Variants in CHRDL2 observed in about 807,000 individuals in gnomAD.
CHRDL2 encodes chordin-like protein 2.
A neutral mutation model predicts 54.3 loss-of-function variants in CHRDL2; 41 were observed. The ratio of observed to expected loss-of-function variants is 0.76; its 90% CI spans 0.59 to 0.98. The LOEUF (loss-of-function observed/expected upper bound fraction) is 0.98. CHRDL2 is among the 50% of genes least tolerant of loss of function. The pLI is 0.00. For synonymous variants in CHRDL2, 220 were observed against 224.3 expected, an observed-to-expected ratio of 0.98 and a Z score of 0.17; for missense variants, 518 against 562.4, an observed-to-expected ratio of 0.92 and a Z score of 0.80.
intron 1 of CHRDL2, among the ~76,000 whole-genome samples, chr11:74,725,654 T>C (rs879371536): frequency 6.6e-6 from 1 of 152,212 alleles, no homozygotes; most frequent in Admixed American, 6.5e-5. Context: ...CGGTTGAGAA[T>C]TCTTCCCCAA....
intron 1 of CHRDL2, 141 bp downstream of exon 1, chr11:74,730,666 C>A: frequency 1.3e-6 from 1 of 767,686 alleles, no homozygotes; most frequent in Middle Eastern, 3.5e-4. Flanking sequence ...CCATACTGGT[C>A]CTCACGGAGT....
intron 9 of CHRDL2, among the ~76,000 whole-genome samples, chr11:74,702,560 C>A (rs2033854358): frequency 6.6e-6 from 1 of 152,180 alleles, no homozygotes; most frequent in African/African-American, 2.4e-5. Context: ...CGCCTTCCCC[C>A]CAGGAGAGGG....
At chr11:74,729,799 G>A (rs1020574356) in intron 1 of CHRDL2, among the ~76,000 whole-genome samples, 1 of 152,180 alleles carries the variant, frequency 6.6e-6, no homozygotes, top group Non-Finnish European at 1.5e-5. Context: ...AGAGAATGTG[G>A]TTTGGTTTTC....
rs139998441 is a variant in CHRDL2 at position 74,700,285 on chromosome 11, C to T, written c.1120+2509G>A. On this transcript the variant is annotated intron_variant, in intron 9 of 10. Transcript: ENST00000376332. ...AATCACAGAGCACAGGGCATATGGG[C>T]GTGAGCTCTGGAGCCAGCGTTTGAG... 5.9e-5 allele frequency among the ~76,000 whole-genome samples: 9 copies of T among 152,352 alleles called. No homozygotes were observed. The East Asian group carries it at 1.5e-3, about 26-fold the overall frequency.
At position 74,701,579 on chromosome 11, in the gene CHRDL2, G is replaced by A. The variant is rs371563783; in HGVS notation, c.1120+1215C>T. The A allele has an allele frequency of 1.4e-4, 98 of 716,924 alleles. 2 individuals are homozygous for A. Among genetic ancestry groups the A allele is most frequent in the South Asian group, 6.7e-4 (45 of 67,366 alleles). The allele number at this position is 716,924 out of a possible 1,614,324, so 44.4% of individuals were successfully genotyped here. ...CCACAAGACATGGGCTCTAGCTCCC[G>A]TCCTCCACTTACTGGCTGTGTGGCC... On this transcript the variant is annotated intron_variant, in intron 9 of 10. Coordinates refer to ENST00000376332, the MANE Select transcript of CHRDL2 (RefSeq NM_001278473.3).
rs905156985 is a variant in CHRDL2, at chr11:74,702,788, A to G, written c.1120+6T>C. ...TACACCCCACTGGGAGTGGGCCAGC[A>G]CTCACCTTTTACCAGCTTCCAGAGG... On this transcript the variant is annotated splice_donor_region_variant and intron_variant, in intron 9 of 10. Transcript: ENST00000376332. The G allele has an allele frequency of 2.5e-6, 4 of 1,613,850 alleles. No individual in the cohort carries two copies. The African/African-American group carries it at 5.3e-5, about 22-fold the overall frequency.
chr11:74,727,109 G>A (rs989139940), intron 1 of CHRDL2, among the ~76,000 whole-genome samples: 3 of 152,176 alleles, frequency 2.0e-5, no homozygotes, highest in Non-Finnish European at 2.9e-5. Context: ...TTAGAATTAC[G>A]AAGTGTTAAA....
Position 74,701,525 on chromosome 11 carries a change from G to C in CHRDL2, c.1120+1269C>G, listed in dbSNP as rs2033809971. ...CATTCCTCCTACGACAGGGGGCAGA[G>C]TAGAGCAGGGAAAGAGCCGCATCTG... On this transcript the variant is annotated intron_variant, in intron 9 of 10. Transcript: ENST00000376332. 7.1e-6 allele frequency: 5 copies of C among 707,342 alleles called. No individual in the cohort carries two copies. The South Asian group carries it at 7.6e-5, about 11-fold the overall frequency. The allele number at this position is 707,342 out of a possible 1,614,324, so 43.8% of individuals were successfully genotyped here.
intron 1 of CHRDL2, among the ~76,000 whole-genome samples, chr11:74,724,617 C>T (rs1017881074): frequency 2.4e-4 from 36 of 152,228 alleles, no homozygotes; most frequent in African/African-American, 8.0e-4. Flanking sequence ...TTTCCTCCAC[C>T]TGGAATGGAA....
chr11:74,696,532 G>A lies in CHRDL2; in HGVS notation c.1267C>T (p.Pro423Ser). 1 of 1,614,048 alleles carries A rather than the reference G, an allele frequency of 6.2e-7. No homozygotes were observed. Among genetic ancestry groups the A allele is most frequent in the Non-Finnish European group, 8.5e-7 (1 of 1,179,960 alleles). ...QTLELKVTAS[P>S]DKVTKT ...TGTTATGTCTTGGTCACTTTGTCTG[G>A]ACTGGCCGTGACCTTCAGCTCCAGG... The change falls in exon 11 of 11, where the codon CCA (proline) becomes TCA (serine). Residue 423 changes from proline (P) to serine (S), a missense_variant. By Grantham distance (74) the Pro-to-Ser change is moderately conservative. Coordinates refer to ENST00000376332, the MANE Select transcript of CHRDL2 (RefSeq NM_001278473.3).
chr11:74,710,721 T>C, intron 4 of CHRDL2, 128 bp downstream of exon 4: 1 of 1,253,208 alleles, frequency 8.0e-7, no homozygotes. Flanking sequence ...AGATATTCCC[T>C]TTCCCCTGAG....
chr11:74,716,364 A>G (rs1405957242), intron 2 of CHRDL2, among the ~76,000 whole-genome samples: 2 of 151,982 alleles, frequency 1.3e-5, no homozygotes, highest in East Asian at 3.9e-4. Context: ...GTGAAACCCC[A>G]TCTCTACTAA....
intron 1 of CHRDL2, among the ~76,000 whole-genome samples, chr11:74,728,386 G>A (rs78834071): frequency 2.0e-5 from 3 of 152,220 alleles, no homozygotes; most frequent in Non-Finnish European, 2.9e-5. Flanking sequence ...ATAGCATCTT[G>A]GCAAATGACT....
chr11:74,708,086 T>C (rs1389220372), intron 5 of CHRDL2, among the ~76,000 whole-genome samples: 2 of 152,182 alleles, frequency 1.3e-5, no homozygotes, highest in Non-Finnish European at 2.9e-5. Flanking sequence ...CCTTTCCCTC[T>C]TTCCTCCCCC....
At chr11:74,716,255 G>C (rs1235834720) in intron 2 of CHRDL2, among the ~76,000 whole-genome samples, 1 of 151,594 alleles carries the variant, frequency 6.6e-6, no homozygotes, top group Non-Finnish European at 1.5e-5. Context: ...TGGAGAATAA[G>C]GCCAGGCGTG....
chr11:74,710,367 C>T (rs7935154), intron 4 of CHRDL2, among the ~76,000 whole-genome samples: 111,846 of 152,084 alleles, frequency 0.74, 41,305 homozygotes, highest in East Asian at 0.82. Context: ...ATAACACTGC[C>T]GAGTCAGCCC....
intron 2 of CHRDL2, among the ~76,000 whole-genome samples, chr11:74,716,256 G>A (rs1184863436): frequency 1.3e-5 from 2 of 152,106 alleles, no homozygotes; most frequent in Non-Finnish European, 2.9e-5. Flanking sequence ...GGAGAATAAG[G>A]CCAGGCGTGG....
intron 1 of CHRDL2, among the ~76,000 whole-genome samples, chr11:74,722,910 G>A (rs556679781): frequency 4.4e-4 from 67 of 152,290 alleles, no homozygotes; most frequent in African/African-American, 1.6e-3. Context: ...AGAAGCAGAG[G>A]CTCACGGAGG....
chr11:74,704,746 G>C, intron 6 of CHRDL2, 92 bp from the exon 7 acceptor site: 4 of 1,316,396 alleles, frequency 3.0e-6, no homozygotes, highest in Non-Finnish European at 4.3e-6. Flanking sequence ...GCAAGAGGCT[G>C]TGGGGAGACC....
Sources: gnomAD v4.1 joint callset for allele counts (sites outside exome capture counted in the v4.1 genomes callset) on GRCh38, gnomAD v4.1.1 for gene constraint, MANE v1.5 for transcripts, NCBI Gene and HGNC (gene_info 2026-07-23, HGNC 2026-07-21) for gene names.